The following DYNC1H1 variants were observed in gnomAD, a reference collection of about 807,000 sequenced individuals.
DYNC1H1 encodes the protein cytoplasmic dynein 1 heavy chain 1.
A neutral mutation model predicts 527.1 loss-of-function variants in DYNC1H1; 51 were observed. That is an observed-to-expected ratio of 0.10 (90% CI 0.08 to 0.12). DYNC1H1 has a LOEUF of 0.12. Among genes scored for constraint, DYNC1H1 ranks in the 10% least tolerant of loss-of-function variants. The pLI, the probability that DYNC1H1 is intolerant of heterozygous loss-of-function variation, is 1.00. For synonymous variants in DYNC1H1, 2,189 were observed against 2,278.8 expected, an observed-to-expected ratio of 0.96 and a Z score of 1.12; for missense variants, 2,771 against 5,971.8, an observed-to-expected ratio of 0.46 and a Z score of 17.66.
At chr14:101,968,406 A>C (rs1566992289) in intron 1 of DYNC1H1, among the ~76,000 whole-genome samples, 1 of 150,980 alleles carries the variant, frequency 6.6e-6, no homozygotes, top group East Asian at 1.9e-4. Flanking sequence ...TCATTTTCTC[A>C]TTTTTTTAAT....
chr14:102,017,524 T>A lies in DYNC1H1; in HGVS notation c.8177+20T>A, dbSNP rs754601829. 13 of 1,612,080 alleles carry A rather than the reference T, an allele frequency of 8.1e-6. No homozygotes were observed. Among genetic ancestry groups the A allele is most frequent in the Non-Finnish European group, 1.1e-5 (13 of 1,179,776 alleles). ...ACACAGGTAAAACAGCTCGGTAGACTGCTCTGCTTCACACACGCACAGCTC... is the reference window on the plus strand; with the variant it reads ...ACACAGGTAAAACAGCTCGGTAGACAGCTCTGCTTCACACACGCACAGCTC... On this transcript the variant is annotated intron_variant, in intron 40 of 77. Coordinates refer to ENST00000360184, the MANE Select transcript of DYNC1H1 (RefSeq NM_001376.5). This position sits in a 1 kb window ranked among gnomAD's most constrained non-coding sequence, Gnocchi z 4.6.
chr14:102,032,966 A>T, intron 52 of DYNC1H1, 99 bp from the exon 53 acceptor site: 1 of 1,241,204 alleles, frequency 8.1e-7, no homozygotes, highest in Non-Finnish European at 1.2e-6. Context: ...TGGGGCAATG[A>T]GATGGGAGCT....
In DYNC1H1 at chr14:102,039,046, A is replaced by T. The variant is rs780384517; in HGVS notation, c.11252A>T (p.Gln3751Leu). Reference protein sequence around the residue: ...RLRQLEKSLLQALNEVKGRIL... With the variant: ...RLRQLEKSLLLALNEVKGRIL... ...CGTCAGCTGGAAAAATCTCTACTAC[A>T]AGCTCTGAACGAGGTGAAAGGGCGC... is the stretch of plus-strand genomic sequence containing the variant. Residue 3751 changes from glutamine to leucine, a missense_variant, in exon 60 of 78, where the codon CAA becomes CTA. Gln to Leu is a moderately radical substitution (Grantham distance 113). This residue lies in a region of DYNC1H1 where 283 missense variants were observed against 737.6 expected (regional missense o/e 0.38). Coordinates refer to ENST00000360184, the MANE Select transcript of DYNC1H1 (RefSeq NM_001376.5). This position sits in a 1 kb window ranked among gnomAD's most constrained non-coding sequence, Gnocchi z 7.0. The T allele has an allele frequency of 2.5e-6, 4 of 1,614,174 alleles. No individual in the cohort carries two copies. Among genetic ancestry groups the T allele is most frequent in the Non-Finnish European group, 3.4e-6 (4 of 1,180,024 alleles).
chr14:102,006,931 T>C, intron 27 of DYNC1H1, 77 bp from the exon 28 acceptor site: 1 of 1,511,406 alleles, frequency 6.6e-7, no homozygotes, highest in Non-Finnish European at 9.2e-7. Context: ...AGTTGCTTTT[T>C]GTAGTTCTTT....
rs961375016 is a variant in DYNC1H1 at position 102,048,647 on chromosome 14, G to T, written c.13350G>T (p.Thr4450=). The change falls in exon 74 of 78, where the codon ACG becomes ACT. Residue 4450 remains threonine (T), a synonymous_variant. Transcript: ENST00000360184. ...GKKKQTNYLR[T]LINELVKGIL... ...AGAAGCAGACCAACTACTTGCGCACGCTGATCAACGAGCTAGTGAAAGGTG... is the reference window on the plus strand; with the variant it reads ...AGAAGCAGACCAACTACTTGCGCACTCTGATCAACGAGCTAGTGAAAGGTG... The T allele has an allele frequency of 2.5e-6, 4 of 1,613,430 alleles. No homozygotes were observed. The highest frequency in any genetic ancestry group is 3.3e-5 in the Admixed American group (2 of 60,012).
chr14:102,026,529 A>T, intron 43 of DYNC1H1, 45 bp from the exon 44 acceptor site: 1 of 1,611,236 alleles, frequency 6.2e-7, no homozygotes, highest in Non-Finnish European at 8.5e-7. Flanking sequence ...TCTAATAACT[A>T]ACATTTTTTT....
Position 102,027,597 on chromosome 14 carries a change from T to C in DYNC1H1, c.9049-22T>C. 6.2e-7 allele frequency: 1 copy of C among 1,614,150 alleles called. No individual in the cohort carries two copies. Among genetic ancestry groups the C allele is most frequent in the Non-Finnish European group, 8.5e-7 (1 of 1,180,030 alleles). ...TACGTGTTACCGGGGGACCAGTAAG[T>C]CAGCACTGTGCTGTTTCCCAGGTGC... is the stretch of plus-strand genomic sequence containing the variant. On this transcript the variant is annotated intron_variant, in intron 46 of 77. Coordinates refer to ENST00000360184, the MANE Select transcript of DYNC1H1 (RefSeq NM_001376.5). This position sits in a 1 kb window ranked among gnomAD's most constrained non-coding sequence, Gnocchi z 7.7.
At chr14:101,994,525 A>G (rs950058620) in intron 12 of DYNC1H1, 148 bp from the exon 13 acceptor site, 13 of 1,319,288 alleles carry the variant, frequency 9.9e-6, no homozygotes, top group Non-Finnish European at 1.1e-5. Flanking sequence ...ATCTTTTTTG[A>G]TATGAAAATT....
At chr14:101,975,118 A>G (rs182504643) in intron 1 of DYNC1H1, among the ~76,000 whole-genome samples, 1 of 152,298 alleles carries the variant, frequency 6.6e-6, no homozygotes, top group Admixed American at 6.5e-5. Context: ...TGGACTTCGG[A>G]ATCACAAACT....
Position 101,983,015 on chromosome 14 carries a change from A to G in DYNC1H1, c.962-4A>G, listed in dbSNP as rs1160682080. 5.6e-6 allele frequency: 9 copies of G among 1,614,028 alleles called. No homozygotes were observed. In the African/African-American group the frequency reaches 6.7e-5, roughly 12 times the overall value. On this transcript the variant is annotated splice_region_variant and splice_polypyrimidine_tract_variant and intron_variant, in intron 5 of 77. Coordinates refer to ENST00000360184, the MANE Select transcript of DYNC1H1 (RefSeq NM_001376.5). The surrounding 1 kb of genome is among the most constrained non-coding windows in gnomAD (Gnocchi z 5.3). ...AACCATTAACTCTTTCTCTGTTAAT[A>G]TAGGTCTAAAACAGGCTTTGGAAAC...
chr14:102,026,069 C>T (rs1223426033), intron 43 of DYNC1H1, among the ~76,000 whole-genome samples: 3 of 148,230 alleles, frequency 2.0e-5, no homozygotes, highest in Non-Finnish European at 3.0e-5. Flanking sequence ...GAGCTGAGAT[C>T]GTGCCACAGC....
rs113416480 is a variant in DYNC1H1, at chr14:102,002,108, G to GTT, written c.4543-418_4543-417dup. On this transcript the variant is annotated intron_variant, in intron 21 of 77. Coordinates refer to ENST00000360184, the MANE Select transcript of DYNC1H1 (RefSeq NM_001376.5). This position sits in a 1 kb window ranked among gnomAD's most constrained non-coding sequence, Gnocchi z 4.4. ...TTTTTGTTTGTTTGCTTGCTTTTTTGTTTTTTTTTTTTCTTTTTTTGAGAT... is the reference window on the plus strand; with the variant it reads ...TTTTTGTTTGTTTGCTTGCTTTTTTGTTTTTTTTTTTTTTCTTTTTTTGAGAT... 8.5e-3 allele frequency among the ~76,000 whole-genome samples: 1,203 copies of GTT among 141,666 alleles called. 7 individuals carry two copies. The highest frequency in any genetic ancestry group is 0.015 in the Admixed American group (214 of 14,152). The allele number at this position is 141,666 out of a possible 152,430, so 92.9% of individuals were successfully genotyped here. A position where few individuals can be genotyped will look rare whatever the true frequency, so the allele number is the denominator to read the frequency against.
intron 34 of DYNC1H1, among the ~76,000 whole-genome samples, chr14:102,013,959 C>G (rs1204538377): frequency 6.6e-6 from 1 of 152,170 alleles, no homozygotes; most frequent in Non-Finnish European, 1.5e-5. Flanking sequence ...CTGGCCTGAT[C>G]AGCTTATGAG....
chr14:102,028,261 C>T, intron 48 of DYNC1H1, 120 bp downstream of exon 48: 1 of 1,262,998 alleles, frequency 7.9e-7, no homozygotes, highest in Non-Finnish European at 1.1e-6. Flanking sequence ...CCTGTAATCC[C>T]AGCACTTTGG....
At chr14:102,040,483 G>A in intron 63 of DYNC1H1, 73 bp downstream of exon 63, 1 of 1,612,534 alleles carries the variant, frequency 6.2e-7, no homozygotes, top group Non-Finnish European at 8.5e-7. Context: ...AATTGCATGT[G>A]GTATAAAACC....
rs1231381552 is a variant in DYNC1H1 at position 102,011,089 on chromosome 14, G to C, written c.6618+137G>C. ...TGCATAATATGCTTTATGAAGATTT[G>C]CCCAAGGCCTATTTGAATTTTTGTT... is the stretch of plus-strand genomic sequence containing the variant. On this transcript the variant is annotated intron_variant, in intron 32 of 77. Transcript: ENST00000360184. The surrounding 1 kb of genome is among the most constrained non-coding windows in gnomAD (Gnocchi z 5.3). The C allele has an allele frequency of 1.1e-6, 1 of 932,460 alleles. No homozygotes were observed. The highest frequency in any genetic ancestry group is 1.7e-6 in the Non-Finnish European group (1 of 582,154). The allele number at this position is 932,460 out of a possible 1,614,324, so 57.8% of individuals were successfully genotyped here. A position where few individuals can be genotyped will look rare whatever the true frequency, so the allele number is the denominator to read the frequency against.
rs1305195955 is a variant in DYNC1H1 at position 102,010,931 on chromosome 14, T to C, written c.6597T>C (p.Val2199=). 4 of 1,614,032 alleles carry C rather than the reference T, an allele frequency of 2.5e-6. No individual in the cohort carries two copies. The highest frequency in any genetic ancestry group is 1.7e-5 in the Admixed American group (1 of 59,990). The change falls in exon 32 of 78, where the codon GTT becomes GTC. Residue 2199 remains valine (V), a synonymous_variant. Transcript: ENST00000360184. This position sits in a 1 kb window ranked among gnomAD's most constrained non-coding sequence, Gnocchi z 6.0. ...MYLTYGDGEE[V]GGMWVEKVLQ... ...TGACATATGGAGATGGAGAAGAAGT[T>C]GGTGGAATGTGGGTTGAAAAGGTAA...
rs1307921924 is a variant in DYNC1H1 at position 102,002,773 on chromosome 14, G to C, written c.4710-19G>C. Reference sequence around the variant, plus strand: ...CTACTCTACACAAAGGCTGACGCATGTTTTAATTTCATTTGTAGCATCAGC... The same window carrying C: ...CTACTCTACACAAAGGCTGACGCATCTTTTAATTTCATTTGTAGCATCAGC... On this transcript the variant is annotated intron_variant, in intron 22 of 77. Transcript: ENST00000360184. This position sits in a 1 kb window ranked among gnomAD's most constrained non-coding sequence, Gnocchi z 4.4. 1 of 1,614,150 alleles carries C rather than the reference G, an allele frequency of 6.2e-7. No individual in the cohort carries two copies. Among genetic ancestry groups the C allele is most frequent in the African/African-American group, 1.3e-5 (1 of 74,956 alleles).
Position 101,985,938 on chromosome 14 carries a change from GC to G in DYNC1H1, c.1714del (p.Gly573AlafsTer36). ...TRITARLRDQ[L>X]GTAKNANEMF... ...GGATCACCGCTCGCCTTCGGGATCA[GC>G]TTGGCACAGCCAAGAATGCCAACGA... On this transcript the variant is annotated frameshift_variant, in exon 8 of 78. Transcript: ENST00000360184. LOFTEE classifies it high-confidence loss of function. The surrounding 1 kb of genome is among the most constrained non-coding windows in gnomAD (Gnocchi z 5.9). The G allele has an allele frequency of 6.2e-7, 1 of 1,614,236 alleles. No homozygotes were observed. Among genetic ancestry groups the G allele is most frequent in the Non-Finnish European group, 8.5e-7 (1 of 1,180,044 alleles).
Sources: allele counts gnomAD v4.1 joint callset (sites outside exome capture counted in the v4.1 genomes callset), GRCh38; gene constraint gnomAD v4.1.1; regional missense constraint gnomAD v4.1.1; non-coding constraint Gnocchi (gnomAD v3.1); transcripts MANE v1.5; gene names NCBI Gene and HGNC (gene_info 2026-07-23, HGNC 2026-07-21).